Variants in FASTKD2 observed in about 807,000 individuals in gnomAD.
FASTKD2 encodes the protein FAST kinase domain-containing protein 2, mitochondrial.
Under a neutral mutation model 63.6 loss-of-function variants are expected in FASTKD2, and 51 were observed. The ratio of observed to expected loss-of-function variants is 0.80; its 90% CI spans 0.64 to 1.01. The LOEUF (loss-of-function observed/expected upper bound fraction) is 1.01, where lower values mean the gene tolerates loss of function less well. Among genes scored for constraint, FASTKD2 ranks in the 50% least tolerant of loss-of-function variants. FASTKD2 has a pLI of 0.00. For missense variants in FASTKD2, 786 were observed against 831.1 expected, an observed-to-expected ratio of 0.95 and a Z score of 0.67; for synonymous variants, 284 against 293.4, an observed-to-expected ratio of 0.97 and a Z score of 0.33.
intron 2 of FASTKD2, among the ~76,000 whole-genome samples, chr2:206,769,030 A>T (rs930054697): frequency 6.6e-6 from 1 of 152,230 alleles, no homozygotes; most frequent in African/African-American, 2.4e-5. Flanking sequence ...TCGGGATGAC[A>T]TCTGTGTTGG....
At position 206,774,255 on chromosome 2, in the gene FASTKD2, C is replaced by T. The variant is rs775356734; in HGVS notation, c.1285C>T (p.Leu429Phe). The T allele has an allele frequency of 5.0e-6, 8 of 1,611,454 alleles. No homozygotes were observed. The highest frequency in any genetic ancestry group is 6.8e-6 in the Non-Finnish European group (8 of 1,178,384). The change falls in exon 7 of 12, where the codon CTT becomes TTT. Residue 429 changes from leucine (L) to phenylalanine (F), a missense_variant. Physicochemically the swap from Leu to Phe is conservative, Grantham distance 22. Transcript: ENST00000402774. ...VLFILILFEN[L>F]GFRPVGLMDL... Reference sequence around the variant, plus strand: ...TTTTATCCTCATTTTATTTGAAAACCTTGGCTTTCGACCTGTTGGTTTAAT... The same window carrying T: ...TTTTATCCTCATTTTATTTGAAAACTTTGGCTTTCGACCTGTTGGTTTAAT...
chr2:206,771,653 C>CAAAAAAA, intron 4 of FASTKD2, among the ~76,000 whole-genome samples: 1 of 44,550 alleles, frequency 2.2e-5, no homozygotes, highest in Non-Finnish European at 4.1e-5. Flanking sequence ...CCTGTCTCTG[C>CAAAAAAA]AAAAAAAAAA....
chr2:206,767,204 G>T lies in FASTKD2; in HGVS notation c.511G>T (p.Asp171Tyr). The T allele has an allele frequency of 6.2e-7, 1 of 1,614,220 alleles. No individual in the cohort carries two copies. Among genetic ancestry groups the T allele is most frequent in the Non-Finnish European group, 8.5e-7 (1 of 1,180,024 alleles). Residue 171 changes from aspartate (D) to tyrosine (Y), a missense_variant, in exon 2 of 12, where the codon GAT (aspartate) becomes TAT (tyrosine). Physicochemically the swap from Asp to Tyr is radical, Grantham distance 160 (BLOSUM62 -3). Transcript: ENST00000402774. ...EECNSLSDVLDAFSKAPTFPS... is the reference protein window; with the variant it reads ...EECNSLSDVLYAFSKAPTFPS... ...ATGTAATTCCCTGAGTGATGTGTTAGATGCATTTTCAAAAGCGCCCACATT... is the reference window on the plus strand; with the variant it reads ...ATGTAATTCCCTGAGTGATGTGTTATATGCATTTTCAAAAGCGCCCACATT...
chr2:206,766,893 G>A lies in FASTKD2; in HGVS notation c.200G>A (p.Arg67Lys), dbSNP rs754050859. Residue 67 changes from arginine to lysine, a missense_variant, in exon 2 of 12, where the codon AGA becomes AAA. Arg to Lys is a conservative substitution (Grantham distance 26, BLOSUM62 2). Transcript: ENST00000402774. ...AACATTTTAAATAACTTTCATAACA[G>A]AATGCAATCAACTGATATCATTAGA... ...NWNILNNFHN[R>K]MQSTDIIRYL... The A allele has an allele frequency of 6.3e-7, 1 of 1,598,384 alleles. No homozygotes were observed. The highest frequency in any genetic ancestry group is 1.4e-5 in the African/African-American group (1 of 74,062).
Position 206,771,167 on chromosome 2 carries a change from TG to T in FASTKD2, c.882-14del. 1 of 1,367,002 alleles carries T rather than the reference TG, an allele frequency of 7.3e-7. No individual in the cohort carries two copies. Among genetic ancestry groups the T allele is most frequent in the Non-Finnish European group, 1.0e-6 (1 of 956,108 alleles). 84.7% of individuals were successfully genotyped at this position (1,367,002 alleles called of 1,614,324 possible). On this transcript the variant is annotated splice_polypyrimidine_tract_variant and intron_variant, in intron 3 of 11. Coordinates refer to ENST00000402774, the MANE Select transcript of FASTKD2 (RefSeq NM_001136193.2). Reference sequence around the variant, plus strand: ...AAGATTCTATGATTTTAATATTTATTGTGTTTGATAACAGAATACTAGTTGA... The same window carrying T: ...AAGATTCTATGATTTTAATATTTATTTGTTTGATAACAGAATACTAGTTGA...
Position 206,793,346 on chromosome 2 carries a change from G to T in FASTKD2, c.*1544G>T, listed in dbSNP as rs750535425. Among the ~76,000 whole-genome samples, 3 of 151,120 alleles carry T rather than the reference G, an allele frequency of 2.0e-5. No homozygotes were observed. The highest frequency in any genetic ancestry group is 1.3e-4 in the Admixed American group (2 of 15,184). On this transcript the variant is annotated 3_prime_UTR_variant, in exon 12 of 12. Coordinates refer to ENST00000402774, the MANE Select transcript of FASTKD2 (RefSeq NM_001136193.2). ...GGTTAGAGCTGAAAGGAAATTTAGT[G>T]ATTATTTAATTGTTACTTCCCTCAT... is the stretch of plus-strand genomic sequence containing the variant.
chr2:206,776,275 C>T (rs1010398069), intron 7 of FASTKD2, among the ~76,000 whole-genome samples: 1 of 151,628 alleles, frequency 6.6e-6, no homozygotes, highest in Non-Finnish European at 1.5e-5. Flanking sequence ...ATAATAACTG[C>T]TTATCATATG....
rs1689677868 is a variant in FASTKD2 at position 206,771,387 on chromosome 2, C to T, written c.990+97C>T. 3 of 753,206 alleles carry T rather than the reference C, an allele frequency of 4.0e-6. No individual in the cohort carries two copies. In the Admixed American group the frequency reaches 5.8e-5, roughly 15 times the overall value. 46.7% of individuals were successfully genotyped at this position (753,206 alleles called of 1,614,324 possible). On this transcript the variant is annotated intron_variant, in intron 4 of 11. Transcript: ENST00000402774. ...AAGTCAATTTTCTAGGAGGACATTG[C>T]TGGGCTTTTAGGTTTAGCTTCACTA...
At chr2:206,767,537 T>G in intron 2 of FASTKD2, 67 bp downstream of exon 2, 2 of 1,190,262 alleles carry the variant, frequency 1.7e-6, no homozygotes, top group Non-Finnish European at 2.4e-6. Flanking sequence ...AATGAAGGGA[T>G]ATAGATATGT....
intron 7 of FASTKD2, among the ~76,000 whole-genome samples, chr2:206,780,408 A>G (rs1433973277): frequency 1.3e-5 from 2 of 152,170 alleles, no homozygotes; most frequent in African/African-American, 4.8e-5. Context: ...AGCACTTTGA[A>G]TACATTATCC....
chr2:206,792,020 T>G lies in FASTKD2; in HGVS notation c.*218T>G. 3.7e-6 allele frequency: 2 copies of G among 536,438 alleles called. No individual in the cohort carries two copies. The highest frequency in any genetic ancestry group is 6.7e-6 in the Non-Finnish European group (2 of 299,656). The allele number at this position is 536,438 out of a possible 1,614,324, so 33.2% of individuals were successfully genotyped here. A position where few individuals can be genotyped will look rare whatever the true frequency, so the allele number is the denominator to read the frequency against. ...AGGGTTATTTTTCCAACCACACCTA[T>G]TCCCTCTAGTGCCCAGATATTTGAT... On this transcript the variant is annotated 3_prime_UTR_variant, in exon 12 of 12. Coordinates refer to ENST00000402774, the MANE Select transcript of FASTKD2 (RefSeq NM_001136193.2).
At position 206,794,576 on chromosome 2, in the gene FASTKD2, C is replaced by T. The variant is rs539352170; in HGVS notation, c.*2774C>T. On this transcript the variant is annotated 3_prime_UTR_variant, in exon 12 of 12. Coordinates refer to ENST00000402774, the MANE Select transcript of FASTKD2 (RefSeq NM_001136193.2). ...TTGATTGAGACATTTACCAGCTCTCCGAATTCTCAGTAGTTACCACTGAAT... is the reference window on the plus strand; with the variant it reads ...TTGATTGAGACATTTACCAGCTCTCTGAATTCTCAGTAGTTACCACTGAAT... 6.6e-6 allele frequency among the ~76,000 whole-genome samples: 1 copy of T among 152,010 alleles called. No homozygotes were observed. The highest frequency in any genetic ancestry group is 2.1e-4 in the South Asian group (1 of 4,812).
At position 206,788,976 on chromosome 2, in the gene FASTKD2, A is replaced by G. The variant is rs1169058581; in HGVS notation, c.1898+73A>G. The G allele has an allele frequency of 3.7e-6, 3 of 812,424 alleles. No homozygotes were observed. In the African/African-American group the frequency reaches 5.0e-5, roughly 14 times the overall value. The allele number at this position is 812,424 out of a possible 1,614,324, so 50.3% of individuals were successfully genotyped here. A position where few individuals can be genotyped will look rare whatever the true frequency, so the allele number is the denominator to read the frequency against. ...AATTCTAAAAGACTTCATATTAAAT[A>G]GCAGTAGTAAATCTAAGACTTGATG... On this transcript the variant is annotated intron_variant, in intron 10 of 11. Coordinates refer to ENST00000402774, the MANE Select transcript of FASTKD2 (RefSeq NM_001136193.2).
chr2:206,765,700 C>T lies in FASTKD2; in HGVS notation c.-98C>T, dbSNP rs1689419073. On this transcript the variant is annotated 5_prime_UTR_variant, in exon 1 of 12. Transcript: ENST00000402774. ...GGCTTAGCGGCAGCCCGTATCACAT[C>T]CTAGACTTTTTACTTCGAGGAGAAG... 5.1e-6 allele frequency: 1 copy of T among 196,876 alleles called. No individual in the cohort carries two copies. Among genetic ancestry groups the T allele is most frequent in the South Asian group, 1.7e-4 (1 of 5,878 alleles). 12.2% of individuals were successfully genotyped at this position (196,876 alleles called of 1,614,324 possible). A position where few individuals can be genotyped will look rare whatever the true frequency, so the allele number is the denominator to read the frequency against.
At chr2:206,772,467 T>C in intron 6 of FASTKD2, 147 bp downstream of exon 6, 1 of 796,176 alleles carries the variant, frequency 1.3e-6, no homozygotes, top group Non-Finnish European at 2.1e-6. Flanking sequence ...AATTAGCTCC[T>C]TATTATTCCT....
At chr2:206,770,053 T>G in intron 2 of FASTKD2, 38 bp from the exon 3 acceptor site, 1 of 1,288,724 alleles carries the variant, frequency 7.8e-7, no homozygotes, top group Non-Finnish European at 1.1e-6. Context: ...TACTATGGGC[T>G]CATCACCTGT....
chr2:206,779,841 T>C (rs1689921293), intron 7 of FASTKD2, among the ~76,000 whole-genome samples: 1 of 152,246 alleles, frequency 6.6e-6, no homozygotes, highest in Admixed American at 6.5e-5. Context: ...GTTATCTTCC[T>C]TTGTGACTTG....
rs567086933 is a variant in FASTKD2, at chr2:206,786,163, G to A, written c.1428-570G>A. 7.3e-4 allele frequency among the ~76,000 whole-genome samples: 111 copies of A among 152,318 alleles called. 4 individuals are homozygous for A. In the South Asian group the frequency reaches 0.022, roughly 31 times the overall value. On this transcript the variant is annotated intron_variant, in intron 7 of 11. Coordinates refer to ENST00000402774, the MANE Select transcript of FASTKD2 (RefSeq NM_001136193.2). ...TTATTAGTGGTGTCACTCTGGGCAA[G>A]CGACTGCCCCTGATTTTGATCTTTT...
At chr2:206,770,920 G>A (rs893812050) in intron 3 of FASTKD2, among the ~76,000 whole-genome samples, 7 of 152,050 alleles carry the variant, frequency 4.6e-5, no homozygotes, top group Admixed American at 3.3e-4. Flanking sequence ...CTTTGACATT[G>A]ACTATGCATA....
Sources: allele counts gnomAD v4.1 joint callset (sites outside exome capture counted in the v4.1 genomes callset), GRCh38; gene constraint gnomAD v4.1.1; transcripts MANE v1.5; gene names NCBI Gene and HGNC (gene_info 2026-07-23, HGNC 2026-07-21).